Variants in RCAN2 observed in about 807,000 individuals in gnomAD.
RCAN2 encodes calcipressin-2.
Under a neutral mutation model 23.6 loss-of-function variants are expected in RCAN2, and 9 were observed. The observed-to-expected ratio is 0.38, with a 90% CI of 0.23 to 0.67. The LOEUF is 0.67. RCAN2 is among the 30% of genes least tolerant of loss of function. The probability of loss-of-function intolerance (pLI) is 0.51; values close to 1 mark genes in which losing one functional copy is unlikely to be tolerated. For missense variants in RCAN2, 273 were observed against 302.3 expected (o/e 0.90, Z 0.72); for synonymous variants, 109 against 115.7 (o/e 0.94, Z 0.37).
At chr6:46,421,002 T>A (rs993353539) in intron 2 of RCAN2, among the ~76,000 whole-genome samples, 1 of 152,246 alleles carries the variant, frequency 6.6e-6, no homozygotes, top group Non-Finnish European at 1.5e-5. Flanking sequence ...CAGGAGCTCA[T>A]AGACTACTGA....
At chr6:46,447,283 T>C (rs1266426014) in intron 2 of RCAN2, among the ~76,000 whole-genome samples, 1 of 151,976 alleles carries the variant, frequency 6.6e-6, no homozygotes, top group Non-Finnish European at 1.5e-5. Context: ...ATAACGGTTG[T>C]AAATATACAT....
chr6:46,460,051 T>G (rs1332435445), intron 1 of RCAN2, among the ~76,000 whole-genome samples: 1 of 150,948 alleles, frequency 6.6e-6, no homozygotes, highest in Non-Finnish European at 1.5e-5. Flanking sequence ...GTTTCCTCTG[T>G]TGTTGTTTTT....
intron 4 of RCAN2, among the ~76,000 whole-genome samples, chr6:46,243,834 C>CAAAAAAAAAA (rs1161436269): frequency 1.6e-5 from 1 of 61,504 alleles, no homozygotes; most frequent in Non-Finnish European, 3.5e-5. Flanking sequence ...AAAAAAAAAC[C>CAAAAAAAAAA]AAGAAATAAT....
At chr6:46,402,124 T>C (rs1222450156) in intron 2 of RCAN2, among the ~76,000 whole-genome samples, 3 of 152,186 alleles carry the variant, frequency 2.0e-5, no homozygotes, top group Non-Finnish European at 4.4e-5. Flanking sequence ...TGTGTGTAAC[T>C]GGAAAGCTGA....
intron 2 of RCAN2, among the ~76,000 whole-genome samples, chr6:46,250,856 C>G (rs1766688506): frequency 6.6e-6 from 1 of 152,092 alleles, no homozygotes; most frequent in South Asian, 2.1e-4. Flanking sequence ...GAAGGTCTTC[C>G]TGCCTCTTGG....
intron 4 of RCAN2, among the ~76,000 whole-genome samples, chr6:46,243,819 A>AAC (rs1346683047): frequency 4.7e-5 from 7 of 149,538 alleles, no homozygotes; most frequent in Non-Finnish European, 7.4e-5. Context: ...CAAAAAAAAA[A>AAC]AAAAAAAAAA....
intron 1 of RCAN2, among the ~76,000 whole-genome samples, chr6:46,488,648 T>C (rs1193053657): frequency 6.6e-6 from 1 of 152,164 alleles, no homozygotes; most frequent in African/African-American, 2.4e-5. Context: ...TACTGAACAT[T>C]TTCATTTGGT....
chr6:46,242,143 A>C (rs946662877), intron 4 of RCAN2, among the ~76,000 whole-genome samples: 2 of 152,186 alleles, frequency 1.3e-5, no homozygotes, highest in Non-Finnish European at 2.9e-5. Context: ...GGATTTCAAT[A>C]GGCACCCACA....
intron 2 of RCAN2, among the ~76,000 whole-genome samples, chr6:46,390,527 G>A (rs567357411): frequency 6.6e-6 from 1 of 152,262 alleles, no homozygotes; most frequent in East Asian, 1.9e-4. Flanking sequence ...ACTTTCCTAC[G>A]TTATTTTTAC....
At chr6:46,370,662 T>G (rs980240280) in intron 2 of RCAN2, among the ~76,000 whole-genome samples, 4 of 152,252 alleles carry the variant, frequency 2.6e-5, no homozygotes, top group Admixed American at 2.6e-4. Context: ...AGTCTCTGAA[T>G]GCACTGACAC....
At chr6:46,394,974 C>T (rs907248467) in intron 2 of RCAN2, among the ~76,000 whole-genome samples, 10 of 152,142 alleles carry the variant, frequency 6.6e-5, no homozygotes, top group African/African-American at 2.4e-4. Context: ...CCCCTGAAAT[C>T]ACTACAAGAT....
In RCAN2 at chr6:46,220,922, G is replaced by A. The variant is rs1314219339; in HGVS notation, c.*2219C>T. On this transcript the variant is annotated 3_prime_UTR_variant, in exon 5 of 5. Coordinates refer to ENST00000371374, the MANE Select transcript of RCAN2 (RefSeq NM_001251974.2). Reference sequence around the variant, plus strand: ...GCGATTCTGACTTTCACAGTGCTAGGAGGTTCCCTTGCAACACTTCAAGGA... The same window carrying A: ...GCGATTCTGACTTTCACAGTGCTAGAAGGTTCCCTTGCAACACTTCAAGGA... The A allele has an allele frequency of 6.5e-6, 1 of 152,688 alleles. No individual in the cohort carries two copies. The highest frequency in any genetic ancestry group is 2.4e-5 in the African/African-American group (1 of 41,446). The allele number at this position is 152,688 out of a possible 1,614,324, so 9.5% of individuals were successfully genotyped here. A position where few individuals can be genotyped will look rare whatever the true frequency, so the allele number is the denominator to read the frequency against.
At chr6:46,285,381 C>T (rs917260500) in intron 2 of RCAN2, among the ~76,000 whole-genome samples, 3 of 152,224 alleles carry the variant, frequency 2.0e-5, no homozygotes, top group African/African-American at 7.2e-5. Context: ...TTGAGAAACA[C>T]TGCTCTAGGC....
chr6:46,243,484 G>A (rs1054774311), intron 4 of RCAN2, among the ~76,000 whole-genome samples: 1 of 152,104 alleles, frequency 6.6e-6, no homozygotes, highest in African/African-American at 2.4e-5. Context: ...ACTAGGTTAG[G>A]CTTTCTGGAA....
intron 2 of RCAN2, among the ~76,000 whole-genome samples, chr6:46,334,754 C>T (rs1014853131): frequency 6.6e-6 from 1 of 152,162 alleles, no homozygotes; most frequent in Admixed American, 6.5e-5. Flanking sequence ...GCTGCTGAGG[C>T]CCCACAGATA....
intron 2 of RCAN2, among the ~76,000 whole-genome samples, chr6:46,376,710 A>G (rs1184075719): frequency 1.0e-5 from 1 of 96,526 alleles, no homozygotes; most frequent in Non-Finnish European, 1.9e-5. Context: ...AACCAAACAA[A>G]CAAACAAAAA....
chr6:46,287,923 T>C (rs1325284693), intron 2 of RCAN2, among the ~76,000 whole-genome samples: 1 of 152,208 alleles, frequency 6.6e-6, no homozygotes, highest in South Asian at 2.1e-4. Context: ...AAGTTACTCA[T>C]ATGAAAGTGC....
intron 2 of RCAN2, among the ~76,000 whole-genome samples, chr6:46,352,768 G>A (rs374369024): frequency 1.3e-5 from 2 of 152,106 alleles, no homozygotes; most frequent in African/African-American, 2.4e-5. Context: ...GAGGAATCAG[G>A]GGAAAAAAAG....
chr6:46,371,373 C>G (rs1731288301), intron 2 of RCAN2, among the ~76,000 whole-genome samples: 1 of 152,210 alleles, frequency 6.6e-6, no homozygotes. Context: ...AGCATGAGCA[C>G]AGGGCTGCTG....
Sources: allele counts gnomAD v4.1 joint callset (sites outside exome capture counted in the v4.1 genomes callset), GRCh38; gene constraint gnomAD v4.1.1; transcripts MANE v1.5; gene names NCBI Gene and HGNC (gene_info 2026-07-23, HGNC 2026-07-21).